The following RBM26 variants were observed in gnomAD, a reference collection of about 807,000 sequenced individuals.
RBM26 encodes RNA binding motif protein 26.
In RBM26, 30 loss-of-function variants were observed where a neutral mutation model predicts 123.6. The ratio of observed to expected loss-of-function variants is 0.24; its 90% confidence interval spans 0.18 to 0.33. RBM26 has a LOEUF of 0.33. RBM26 is among the 10% of genes least tolerant of loss of function. RBM26 has a pLI of 1.00. For missense variants in RBM26, 947 were observed against 1,203.6 expected (o/e 0.79, Z 3.15); for synonymous variants, 400 against 404.4 (o/e 0.99, Z 0.13).
chr13:79,349,851 C>T (rs545422595), intron 14 of RBM26, among the ~76,000 whole-genome samples: 212 of 152,082 alleles, frequency 1.4e-3, no homozygotes, highest in Non-Finnish European at 2.2e-3. Flanking sequence ...GCGCCCGCCA[C>T]GAGGCCCAGC....
chr13:79,347,337 A>G (rs902179608), intron 14 of RBM26, among the ~76,000 whole-genome samples: 1 of 152,222 alleles, frequency 6.6e-6, no homozygotes, highest in Non-Finnish European at 1.5e-5. Context: ...TCTAACAATT[A>G]TAAGACACAG....
intron 1 of RBM26, among the ~76,000 whole-genome samples, chr13:79,405,157 G>T (rs1256065392): frequency 6.6e-6 from 1 of 152,174 alleles, no homozygotes; most frequent in Non-Finnish European, 1.5e-5. Flanking sequence ...TCCTCTCCAA[G>T]CTAACGAACG....
At chr13:79,336,726 G>C (rs1429862831) in intron 19 of RBM26, among the ~76,000 whole-genome samples, 1 of 152,144 alleles carries the variant, frequency 6.6e-6, no homozygotes, top group African/African-American at 2.4e-5. Flanking sequence ...GCTAGATCAA[G>C]AATACATTTT....
chr13:79,390,263 A>C (rs779617085), intron 1 of RBM26, among the ~76,000 whole-genome samples: 1 of 152,176 alleles, frequency 6.6e-6, no homozygotes, highest in African/African-American at 2.4e-5. Flanking sequence ...TGACAACAGA[A>C]TACTACTCAG....
intron 5 of RBM26, among the ~76,000 whole-genome samples, chr13:79,369,809 T>C (rs9545092): frequency 0.51 from 76,921 of 152,036 alleles, 19,857 homozygotes; most frequent in Middle Eastern, 0.61. Context: ...ATAACTGATA[T>C]ATAATAAACT....
In RBM26 at chr13:79,394,884, T is replaced by C. The variant is rs548251585; in HGVS notation, c.71+10820A>G. Among the ~76,000 whole-genome samples the C allele has an allele frequency of 3.9e-5, 6 of 152,350 alleles. No homozygotes were observed. In the East Asian group the frequency reaches 7.7e-4, roughly 20 times the overall value. On this transcript the variant is annotated intron_variant, in intron 1 of 21. Coordinates refer to ENST00000438737, the MANE Select transcript of RBM26 (RefSeq NM_001366735.2). Reference sequence around the variant, plus strand: ...TCTGATGTCAGGTGATCCGTCCACCTTGGCCTCCCAGAGTGCTGGGATTAC... The same window carrying C: ...TCTGATGTCAGGTGATCCGTCCACCCTGGCCTCCCAGAGTGCTGGGATTAC...
Position 79,375,063 on chromosome 13 carries a change from T to TTATATGATATATATATAAA in RBM26, c.327+2315_327+2316insTTTATATATATATCATATA, listed in dbSNP as rs1566517178. On this transcript the variant is annotated intron_variant, in intron 3 of 21. Transcript: ENST00000438737. Reference sequence around the variant, plus strand: ...TTTTATATACTATATATTTATATTTTTATATATTTATATGATATATATAAA... The same window carrying TTATATGATATATATATAAA: ...TTTTATATACTATATATTTATATTTTTATATGATATATATATAAATATATATTTATATGATATATATAAA... 2.8e-4 allele frequency among the ~76,000 whole-genome samples: 16 copies of TTATATGATATATATATAAA among 57,644 alleles called. 1 individual carries two copies. The highest frequency in any genetic ancestry group is 1.7e-3 in the South Asian group (2 of 1,156). The allele number at this position is 57,644 out of a possible 152,430, so 37.8% of individuals were successfully genotyped here. A position where few individuals can be genotyped will look rare whatever the true frequency, so the allele number is the denominator to read the frequency against.
intron 1 of RBM26, among the ~76,000 whole-genome samples, chr13:79,392,020 T>TATTATATAATTATATATTATACAATAC (rs1594694358): frequency 4.1e-5 from 5 of 122,790 alleles, no homozygotes; most frequent in Admixed American, 2.8e-4. Flanking sequence ...TATTATACAT[T>TATTATATAATTATATATTATACAATAC]ATTATATAAT....
intron 5 of RBM26, 55 bp from the exon 6 acceptor site, chr13:79,369,045 T>G: frequency 9.2e-7 from 1 of 1,091,068 alleles, no homozygotes; most frequent in Non-Finnish European, 1.3e-6. Flanking sequence ...AAAAAAAAAG[T>G]CCCAGATCTA....
At position 79,344,694 on chromosome 13, in the gene RBM26, T is replaced by G; in HGVS notation, c.2159A>C (p.Asn720Thr). 1 of 1,612,994 alleles carries G rather than the reference T, an allele frequency of 6.2e-7. No individual in the cohort carries two copies. The highest frequency in any genetic ancestry group is 2.2e-5 in the East Asian group (1 of 44,786). The change falls in exon 15 of 22, where the codon AAT becomes ACT. Residue 720 changes from asparagine to threonine, a missense_variant. Around this residue, in one of 5 missense-constraint regions of RBM26, gnomAD observed 493 missense variants for 563.1 expected, o/e 0.88. Coordinates refer to ENST00000438737, the MANE Select transcript of RBM26 (RefSeq NM_001366735.2). ...CTGTTTTTTTTTCTGTGCTTCATTATTATCAACTGCAGAGGTGGAAACAAG... is the reference window on the plus strand; with the variant it reads ...CTGTTTTTTTTTCTGTGCTTCATTAGTATCAACTGCAGAGGTGGAAACAAG... ...TLLVSTSAVDNNEAQKKKQEA... is the reference protein window; with the variant it reads ...TLLVSTSAVDTNEAQKKKQEA...
chr13:79,331,567 C>T (rs1159603281), intron 20 of RBM26, among the ~76,000 whole-genome samples: 13 of 151,088 alleles, frequency 8.6e-5, no homozygotes, highest in South Asian at 4.2e-4. Context: ...CCAAGAGAGG[C>T]GGAGCTTGCA....
intron 3 of RBM26, among the ~76,000 whole-genome samples, chr13:79,375,087 A>T (rs868031698): frequency 4.3e-5 from 4 of 93,184 alleles, no homozygotes; most frequent in African/African-American, 1.2e-4. Context: ...GATATATATA[A>T]ATATATATTT....
At position 79,371,175 on chromosome 13, in the gene RBM26, G is replaced by A; in HGVS notation, c.417-13C>T. The A allele has an allele frequency of 2.5e-6, 4 of 1,597,548 alleles. No individual in the cohort carries two copies. The highest frequency in any genetic ancestry group is 1.1e-5 in the South Asian group (1 of 90,396). On this transcript the variant is annotated splice_polypyrimidine_tract_variant and intron_variant, in intron 4 of 21. Coordinates refer to ENST00000438737, the MANE Select transcript of RBM26 (RefSeq NM_001366735.2). ...CTCATCACGGCTTCTAAAGAAATAT[G>A]TGATCACTTTAATACAAATAATTTT...
downstream of RBM26, chr13:79,314,813 T>C (rs1358518619): frequency 2.0e-5 from 7 of 357,436 alleles, no homozygotes; most frequent in Non-Finnish European, 3.2e-5. Context: ...GACTCAGATG[T>C]ACTCTTAGAG....
chr13:79,327,965 G>A (rs1047284923), intron 20 of RBM26, among the ~76,000 whole-genome samples: 1 of 151,864 alleles, frequency 6.6e-6, no homozygotes, highest in African/African-American at 2.4e-5. Context: ...CTTAACACTA[G>A]TAATATATAC....
intron 11 of RBM26, among the ~76,000 whole-genome samples, chr13:79,357,637 C>A (rs1474321944): frequency 4.6e-5 from 7 of 152,072 alleles, no homozygotes; most frequent in Non-Finnish European, 1.0e-4. Flanking sequence ...TTAAGTGCAT[C>A]CCACCATAGG....
rs952591221 is a variant in RBM26, at chr13:79,342,808, T to C, written c.2283A>G (p.Lys761=). 1 of 1,595,490 alleles carries C rather than the reference T, an allele frequency of 6.3e-7. No individual in the cohort carries two copies. The highest frequency in any genetic ancestry group is 1.4e-5 in the African/African-American group (1 of 73,658). Residue 761 remains lysine (K), a synonymous_variant, in exon 17 of 22, where the codon AAA becomes AAG. Coordinates refer to ENST00000438737, the MANE Select transcript of RBM26 (RefSeq NM_001366735.2). ...TQKMLISKLE[K]NKTMKSEDKA... ...TATCTTCAGACTTCATTGTTTTGTT[T>C]TTCTCCAGTTTTGAAATTAACATCT...
intron 14 of RBM26, among the ~76,000 whole-genome samples, chr13:79,347,265 A>C (rs911839269): frequency 6.6e-6 from 1 of 152,182 alleles, no homozygotes; most frequent in Admixed American, 6.5e-5. Flanking sequence ...CAGTGACTGT[A>C]AGACAAACTA....
intron 14 of RBM26, among the ~76,000 whole-genome samples, chr13:79,351,605 G>T (rs1452495424): frequency 3.6e-3 from 3 of 838 alleles, no homozygotes; most frequent in African/African-American, 3.9e-3. Flanking sequence ...TTGGGGCGGC[G>T]GGGGGGGAAA....
Sources: gnomAD v4.1 joint callset for allele counts (sites outside exome capture counted in the v4.1 genomes callset) on GRCh38, gnomAD v4.1.1 for gene constraint, gnomAD v4.1.1 regional missense constraint, MANE v1.5 for transcripts, NCBI Gene and HGNC (gene_info 2026-07-23, HGNC 2026-07-21) for gene names.